The following TAS2R1 variants were observed in gnomAD, a reference collection of about 807,000 sequenced individuals.
TAS2R1 encodes taste 2 receptor member 1, also known as taste receptor type 2 member 1.
For missense variants in TAS2R1, 370 were observed against 353.4 expected, an observed-to-expected ratio of 1.05 and a Z score of -0.38; for synonymous variants, 141 against 134.2, an observed-to-expected ratio of 1.05 and a Z score of -0.35.
chr5:9,860,998 G>A, the TAS2R1 span, among the ~76,000 whole-genome samples: 4 of 137,656 alleles, frequency 2.9e-5, no homozygotes, highest in African/African-American at 1.1e-4. Context: ...TAGCATAGAA[G>A]TTGCAAACTG....
chr5:9,710,211 A>T (rs1401646203), intron 1 of TAS2R1, among the ~76,000 whole-genome samples: 1 of 152,190 alleles, frequency 6.6e-6, no homozygotes, highest in Non-Finnish European at 1.5e-5. Flanking sequence ...CTTCTTTATG[A>T]GAGCATGCAC....
At chr5:9,750,403 A>C in the TAS2R1 span, among the ~76,000 whole-genome samples, 3 of 152,198 alleles carry the variant, frequency 2.0e-5, no homozygotes, top group Non-Finnish European at 2.9e-5. Context: ...TCCATTACTC[A>C]GATTTTAAAT....
chr5:9,815,496 G>A, the TAS2R1 span, among the ~76,000 whole-genome samples: 1 of 152,084 alleles, frequency 6.6e-6, no homozygotes, highest in Non-Finnish European at 1.5e-5. Context: ...ATTTAATGAG[G>A]AAAAGCCAAG....
chr5:9,703,132 T>C (rs944150385), intron 1 of TAS2R1, among the ~76,000 whole-genome samples: 10 of 152,250 alleles, frequency 6.6e-5, no homozygotes, highest in African/African-American at 2.4e-4. Context: ...TCAGTGCCCA[T>C]AATACCAGAA....
At chr5:9,804,447 A>G in the TAS2R1 span, among the ~76,000 whole-genome samples, 1 of 152,278 alleles carries the variant, frequency 6.6e-6, no homozygotes, top group East Asian at 1.9e-4. Context: ...TATACAATCT[A>G]TTCTTCAGCA....
At chr5:9,736,947 C>T in the TAS2R1 span, among the ~76,000 whole-genome samples, 11 of 152,124 alleles carry the variant, frequency 7.2e-5, no homozygotes, top group Non-Finnish European at 1.5e-4. Context: ...TTAAGTTCTC[C>T]CTACCCTTAT....
chr5:9,820,078 T>C, the TAS2R1 span, among the ~76,000 whole-genome samples: 1 of 151,952 alleles, frequency 6.6e-6, no homozygotes, highest in Non-Finnish European at 1.5e-5. Flanking sequence ...CACATTTATA[T>C]CCCAAGCAGA....
the TAS2R1 span, among the ~76,000 whole-genome samples, chr5:9,861,368 CATA>C: frequency 6.6e-6 from 1 of 152,124 alleles, no homozygotes; most frequent in Non-Finnish European, 1.5e-5. Flanking sequence ...ACCATTAGAA[CATA>C]ATATCACTGA....
chr5:9,836,108 T>C, the TAS2R1 span, among the ~76,000 whole-genome samples: 1 of 152,004 alleles, frequency 6.6e-6, no homozygotes, highest in African/African-American at 2.4e-5. Context: ...TCTGTTGCTT[T>C]TAAAAAGGGG....
At chr5:9,757,698 G>A in the TAS2R1 span, among the ~76,000 whole-genome samples, 1 of 152,072 alleles carries the variant, frequency 6.6e-6, no homozygotes, top group African/African-American at 2.4e-5. Context: ...ATTAATATTA[G>A]TTCAAGACTT....
the TAS2R1 span, among the ~76,000 whole-genome samples, chr5:9,890,515 T>C: frequency 1.3e-5 from 2 of 152,178 alleles, no homozygotes; most frequent in Non-Finnish European, 2.9e-5. Context: ...ATATATATCA[T>C]TGTAGGGCTC....
At chr5:9,822,852 T>C in the TAS2R1 span, among the ~76,000 whole-genome samples, 2 of 152,058 alleles carry the variant, frequency 1.3e-5, no homozygotes, top group African/African-American at 4.8e-5. Flanking sequence ...CTTTTGCTGG[T>C]AAAAATTGTG....
chr5:9,636,987 T>G (rs898052645), intron 2 of TAS2R1, among the ~76,000 whole-genome samples: 2 of 2,242 alleles, frequency 8.9e-4, no homozygotes, highest in Admixed American at 3.1e-3. Context: ...AATACCTTGT[T>G]TTTTTTTTTC....
At chr5:9,729,935 A>G in the TAS2R1 span, among the ~76,000 whole-genome samples, 4 of 152,206 alleles carry the variant, frequency 2.6e-5, no homozygotes, top group African/African-American at 9.7e-5. Context: ...TGTGTGTAAC[A>G]TGACTGTGCC....
chr5:9,796,720 G>GA, the TAS2R1 span, among the ~76,000 whole-genome samples: 1,885 of 77,134 alleles, frequency 0.024, 69 homozygotes, highest in African/African-American at 0.079. Flanking sequence ...GCTATTTTCT[G>GA]GAAAAAAAAA....
the TAS2R1 span, chr5:9,867,143 G>C: frequency 1.5e-4 from 23 of 152,190 alleles, no homozygotes; most frequent in Non-Finnish European, 3.4e-4. Context: ...CATTTCAGGA[G>C]GGTTTCTGCT....
the TAS2R1 span, among the ~76,000 whole-genome samples, chr5:9,842,338 T>TTTTTA: frequency 6.8e-6 from 1 of 146,280 alleles, no homozygotes; most frequent in African/African-American, 2.5e-5. Flanking sequence ...TTTTTTTTTT[T>TTTTTA]GAGAGACAGT....
the TAS2R1 span, among the ~76,000 whole-genome samples, chr5:9,826,649 T>C: frequency 2.0e-5 from 3 of 152,182 alleles, no homozygotes; most frequent in Non-Finnish European, 4.4e-5. Context: ...AACTTTTTTA[T>C]AACTACACAT....
chr5:9,875,742 A>G, the TAS2R1 span, among the ~76,000 whole-genome samples: 1,597 of 152,290 alleles, frequency 0.01, 19 homozygotes, highest in South Asian at 0.016. Flanking sequence ...AGGATTCCCC[A>G]AAAGTGAGCA....
Sources: gnomAD v4.1 joint callset for allele counts (sites outside exome capture counted in the v4.1 genomes callset) on GRCh38, gnomAD v4.1.1 for gene constraint, MANE v1.5 for transcripts, NCBI Gene and HGNC (gene_info 2026-07-23, HGNC 2026-07-21) for gene names.